Variants in CNTNAP5 observed in about 807,000 individuals in gnomAD.
CNTNAP5 encodes the protein contactin-associated protein-like 5.
CNTNAP5 carries 72 observed loss-of-function variants against 150.2 expected under a neutral mutation model. The observed-to-expected ratio is 0.48, with a 90% CI of 0.40 to 0.58. The LOEUF is 0.58. Ranked by LOEUF, CNTNAP5 falls within the 20% of genes least tolerant of loss-of-function variation. The probability of loss-of-function intolerance (pLI) is 0.00; values close to 1 mark genes in which losing one functional copy is unlikely to be tolerated. For synonymous variants in CNTNAP5, 672 were observed against 619.8 expected, an observed-to-expected ratio of 1.08 and a Z score of -1.25; for missense variants, 1,636 against 1,626.2, an observed-to-expected ratio of 1.01 and a Z score of -0.10.
At chr2:124,136,385 C>T (rs968792352) in intron 1 of CNTNAP5, among the ~76,000 whole-genome samples, 4 of 152,106 alleles carry the variant, frequency 2.6e-5, no homozygotes, top group African/African-American at 4.8e-5. Context: ...ATTGGCCCAT[C>T]GTAAGTTAAA....
intron 12 of CNTNAP5, among the ~76,000 whole-genome samples, chr2:124,641,851 G>A (rs781512671): frequency 1.3e-5 from 2 of 152,300 alleles, no homozygotes; most frequent in Middle Eastern, 3.4e-3. Context: ...AGACAGATAT[G>A]TGTGTAGAAT....
intron 14 of CNTNAP5, 138 bp downstream of exon 14, chr2:124,747,523 C>A: frequency 1.0e-6 from 1 of 987,446 alleles, no homozygotes; most frequent in Non-Finnish European, 1.5e-6. Context: ...TGTTTTTTAA[C>A]CTTAAAAATG....
chr2:124,805,310 G>GGT (rs142287812), intron 19 of CNTNAP5, among the ~76,000 whole-genome samples: 12 of 151,846 alleles, frequency 7.9e-5, no homozygotes, highest in East Asian at 3.9e-4. Flanking sequence ...AATAGAGAGG[G>GGT]GTGTGTGTGT....
At chr2:124,614,974 G>C (rs1677464076) in intron 12 of CNTNAP5, among the ~76,000 whole-genome samples, 1 of 41,084 alleles carries the variant, frequency 2.4e-5, no homozygotes, top group Admixed American at 3.5e-4. Flanking sequence ...TTGTGCAATA[G>C]CATTATATCA....
chr2:124,357,489 T>G (rs1358399668), intron 3 of CNTNAP5, among the ~76,000 whole-genome samples: 1 of 152,036 alleles, frequency 6.6e-6, no homozygotes, highest in Non-Finnish European at 1.5e-5. Context: ...TTGTATAAGG[T>G]GTACGGAAGG....
intron 11 of CNTNAP5, among the ~76,000 whole-genome samples, chr2:124,604,289 C>T (rs1697053826): frequency 6.6e-6 from 1 of 151,978 alleles, no homozygotes; most frequent in Non-Finnish European, 1.5e-5. Context: ...TTAGCTTTTT[C>T]TTGCTATGTT....
chr2:124,804,312 G>T (rs1440934969), intron 19 of CNTNAP5, among the ~76,000 whole-genome samples: 1 of 152,214 alleles, frequency 6.6e-6, no homozygotes. Flanking sequence ...GACTTGGGTG[G>T]TAAGGGTGGG....
At chr2:124,146,893 A>G (rs1228550085) in intron 1 of CNTNAP5, among the ~76,000 whole-genome samples, 1 of 152,182 alleles carries the variant, frequency 6.6e-6, no homozygotes, top group African/African-American at 2.4e-5. Flanking sequence ...TTATGGCCAG[A>G]CACTCTTCTT....
At chr2:124,249,690 T>C (rs867644214) in intron 3 of CNTNAP5, among the ~76,000 whole-genome samples, 3 of 152,192 alleles carry the variant, frequency 2.0e-5, no homozygotes, top group South Asian at 2.1e-4. Flanking sequence ...CCTGACCACC[T>C]TGGGCACATG....
chr2:124,092,438 G>A (rs184970804), intron 1 of CNTNAP5, among the ~76,000 whole-genome samples: 3 of 152,246 alleles, frequency 2.0e-5, no homozygotes, highest in East Asian at 1.9e-4. Context: ...CAGCCCGCAG[G>A]CTGTACACAT....
intron 3 of CNTNAP5, among the ~76,000 whole-genome samples, chr2:124,310,396 C>A (rs917290311): frequency 6.6e-6 from 1 of 151,986 alleles, no homozygotes; most frequent in African/African-American, 2.4e-5. Context: ...GGTTGGTAAA[C>A]TCTTTCCCCT....
At chr2:124,194,208 C>T (rs1685523244) in intron 1 of CNTNAP5, among the ~76,000 whole-genome samples, 1 of 151,714 alleles carries the variant, frequency 6.6e-6, no homozygotes, top group African/African-American at 2.4e-5. Flanking sequence ...ACATTTCCAA[C>T]ACTTGGTATA....
chr2:124,244,195 T>C (rs533519417), intron 3 of CNTNAP5, among the ~76,000 whole-genome samples: 20 of 152,272 alleles, frequency 1.3e-4, no homozygotes, highest in Non-Finnish European at 2.4e-4. Flanking sequence ...TCTGGGCTCA[T>C]GAGCAGGGGG....
chr2:124,592,455 A>G (rs1696709403), intron 11 of CNTNAP5, among the ~76,000 whole-genome samples: 2 of 151,948 alleles, frequency 1.3e-5, no homozygotes, highest in Non-Finnish European at 2.9e-5. Context: ...TCCAATATCT[A>G]TGCTCATGAT....
At chr2:124,448,149 T>C (rs978384603) in intron 6 of CNTNAP5, among the ~76,000 whole-genome samples, 6 of 152,034 alleles carry the variant, frequency 3.9e-5, no homozygotes, top group African/African-American at 1.4e-4. Context: ...GCGCCTGTAG[T>C]TCCTGATACT....
At chr2:124,364,835 A>T (rs1256668023) in intron 3 of CNTNAP5, among the ~76,000 whole-genome samples, 1 of 152,170 alleles carries the variant, frequency 6.6e-6, no homozygotes, top group Non-Finnish European at 1.5e-5. Context: ...GTAGAGCTTT[A>T]CTTCTAAGAG....
intron 3 of CNTNAP5, among the ~76,000 whole-genome samples, chr2:124,394,371 C>CAAAAAAAAAAAA (rs70996062): frequency 9.4e-6 from 1 of 106,292 alleles, no homozygotes; most frequent in African/African-American, 3.5e-5. Flanking sequence ...GACTCTGTCT[C>CAAAAAAAAAAAA]AAAAAAAAAA....
intron 1 of CNTNAP5, among the ~76,000 whole-genome samples, chr2:124,165,506 G>A (rs1300874183): frequency 6.6e-6 from 1 of 152,142 alleles, no homozygotes; most frequent in African/African-American, 2.4e-5. Context: ...GAAAACATAT[G>A]TGTAGTGTTT....
intron 13 of CNTNAP5, among the ~76,000 whole-genome samples, chr2:124,663,180 A>C (rs1001825432): frequency 6.6e-5 from 10 of 152,212 alleles, no homozygotes; most frequent in African/African-American, 2.4e-4. Context: ...AATCTAGTAA[A>C]ACCTGTTACG....
Sources: gnomAD v4.1 joint callset for allele counts (sites outside exome capture counted in the v4.1 genomes callset) on GRCh38, gnomAD v4.1.1 for gene constraint, MANE v1.5 for transcripts, NCBI Gene and HGNC (gene_info 2026-07-23, HGNC 2026-07-21) for gene names.